PKNOX2: variants seen among roughly 807,000 people sequenced by gnomAD.
The protein encoded by PKNOX2 is homeobox protein PKNOX2.
A neutral mutation model predicts 53.1 loss-of-function variants in PKNOX2; 14 were observed. That is an observed-to-expected ratio of 0.26 (90% confidence interval 0.17 to 0.41). PKNOX2 has a LOEUF of 0.41. PKNOX2 is among the 10% of genes least tolerant of loss of function. The pLI is 1.00. For missense variants in PKNOX2, 496 were observed against 602.8 expected (o/e 0.82, Z 1.85); for synonymous variants, 257 against 242.8 (o/e 1.06, Z -0.54).
In PKNOX2 at chr11:125,431,278, G is replaced by A. The variant is rs1653565336; in HGVS notation, c.1305G>A (p.Glu435=). ...HDDSLDGTEE[E]DEDEMEEEEE... ...ACTCATTGGATGGGACAGAAGAAGA[G>A]GATGAGGATGAGATGGAAGAGGAGG... The change falls in exon 13 of 13, where the codon GAG becomes GAA. Residue 435 remains glutamate, a synonymous_variant. Transcript: ENST00000298282. 1 of 1,613,488 alleles carries A rather than the reference G, an allele frequency of 6.2e-7. No individual in the cohort carries two copies. The highest frequency in any genetic ancestry group is 8.5e-7 in the Non-Finnish European group (1 of 1,179,894).
At chr11:125,189,425 G>A (rs1349785910) in intron 1 of PKNOX2, among the ~76,000 whole-genome samples, 8,670 of 41,276 alleles carry the variant, frequency 0.21, 761 homozygotes, top group East Asian at 0.25. Context: ...GTGTGTGTGT[G>A]TGTGTGTGTG....
intron 1 of PKNOX2, among the ~76,000 whole-genome samples, chr11:125,209,696 G>C (rs528712999): frequency 1.3e-5 from 2 of 151,956 alleles, no homozygotes; most frequent in Non-Finnish European, 2.9e-5. Flanking sequence ...GGAGGATGAC[G>C]ACAAGGGAGG....
At chr11:125,336,442 A>G (rs1950434320) in intron 3 of PKNOX2, among the ~76,000 whole-genome samples, 1 of 151,470 alleles carries the variant, frequency 6.6e-6, no homozygotes, top group South Asian at 2.1e-4. Flanking sequence ...AGTTTTTATC[A>G]AATTACATTT....
chr11:125,351,337 T>G lies in PKNOX2; in HGVS notation c.32T>G (p.Leu11Arg), dbSNP rs1232783354. Residue 11 changes from leucine (L) to arginine (R), a missense_variant, in exon 4 of 13, where the codon CTG becomes CGG. Coordinates refer to ENST00000298282, the MANE Select transcript of PKNOX2 (RefSeq NM_001382323.2). Reference sequence around the variant, plus strand: ...CAACATGCCTCCCCAGCCCCCGCTCTGACGATGATGGCCACGCAGAATGTC... The same window carrying G: ...CAACATGCCTCCCCAGCCCCCGCTCGGACGATGATGGCCACGCAGAATGTC... Reference protein sequence around the residue: MMQHASPAPALTMMATQNVPP... With the variant: MMQHASPAPARTMMATQNVPP... 1.2e-6 allele frequency: 2 copies of G among 1,610,266 alleles called. No individual in the cohort carries two copies. Among genetic ancestry groups the G allele is most frequent in the Non-Finnish European group, 1.7e-6 (2 of 1,177,924 alleles).
At chr11:125,400,156 C>A (rs989759821) in intron 7 of PKNOX2, among the ~76,000 whole-genome samples, 2 of 151,950 alleles carry the variant, frequency 1.3e-5, no homozygotes, top group African/African-American at 4.8e-5. Flanking sequence ...CAGACAATTG[C>A]GTGGTGGGTG....
At chr11:125,359,560 C>T (rs1364880954) in intron 4 of PKNOX2, among the ~76,000 whole-genome samples, 1 of 152,212 alleles carries the variant, frequency 6.6e-6, no homozygotes, top group Admixed American at 6.5e-5. Context: ...ATGTTCATGT[C>T]CCCTGTTGCC....
chr11:125,333,119 C>G (rs191672152), intron 3 of PKNOX2, among the ~76,000 whole-genome samples: 22 of 152,282 alleles, frequency 1.4e-4, no homozygotes, highest in Non-Finnish European at 2.8e-4. Context: ...AGTGATGTCA[C>G]AAGGAGTTCA....
At chr11:125,349,019 G>A (rs904198043) in intron 3 of PKNOX2, among the ~76,000 whole-genome samples, 55 of 152,234 alleles carry the variant, frequency 3.6e-4, no homozygotes, top group African/African-American at 1.3e-3. Flanking sequence ...CGATGCTCCC[G>A]GGAAGAGATT....
chr11:125,170,598 T>A (rs1955222461), intron 1 of PKNOX2, among the ~76,000 whole-genome samples: 1 of 152,228 alleles, frequency 6.6e-6, no homozygotes, highest in African/African-American at 2.4e-5. Context: ...TTCAAGGGGA[T>A]CTGCTGTTTG....
intron 1 of PKNOX2, among the ~76,000 whole-genome samples, chr11:125,184,895 C>T (rs930216813): frequency 6.6e-6 from 1 of 152,110 alleles, no homozygotes; most frequent in Admixed American, 6.5e-5. Flanking sequence ...AGAAACAAAC[C>T]ACGAAGAAAG....
At chr11:125,170,017 T>C (rs1955160530) in intron 1 of PKNOX2, among the ~76,000 whole-genome samples, 1 of 152,146 alleles carries the variant, frequency 6.6e-6, no homozygotes, top group African/African-American at 2.4e-5. Flanking sequence ...TGCAGCCCCT[T>C]CTCTTTATTC....
chr11:125,185,124 A>G (rs1034413554), intron 1 of PKNOX2, among the ~76,000 whole-genome samples: 3 of 152,206 alleles, frequency 2.0e-5, no homozygotes, highest in Non-Finnish European at 4.4e-5. Flanking sequence ...AGCATCCCTG[A>G]CCATTGCCTC....
chr11:125,430,715 G>T (rs2135707316), intron 12 of PKNOX2, among the ~76,000 whole-genome samples: 1 of 151,876 alleles, frequency 6.6e-6, no homozygotes, highest in South Asian at 2.1e-4. Context: ...GTATGGTTGT[G>T]CACAGGTTCC....
rs1955459661 is a variant in PKNOX2, at chr11:125,410,766, G to A, written c.719-13G>A. 4 of 1,611,196 alleles carry A rather than the reference G, an allele frequency of 2.5e-6. No individual in the cohort carries two copies. Among genetic ancestry groups the A allele is most frequent in the Non-Finnish European group, 2.5e-6 (3 of 1,177,562 alleles). On this transcript the variant is annotated splice_polypyrimidine_tract_variant and intron_variant, in intron 8 of 12. Transcript: ENST00000298282. ...CCCATGGCAGGGGACCCCAAAACTG[G>A]TTGTCTCCTCAGGTGGAGCCTTATA...
intron 2 of PKNOX2, among the ~76,000 whole-genome samples, chr11:125,243,555 C>T (rs924791705): frequency 1.3e-5 from 2 of 152,060 alleles, no homozygotes; most frequent in South Asian, 2.1e-4. Context: ...TTGCTGCACT[C>T]TTTCCAGGCA....
chr11:125,267,374 C>A (rs940158860), intron 2 of PKNOX2, among the ~76,000 whole-genome samples: 1 of 152,206 alleles, frequency 6.6e-6, no homozygotes, highest in Non-Finnish European at 1.5e-5. Flanking sequence ...GAGGGAGGAG[C>A]TATCATGGCA....
intron 1 of PKNOX2, among the ~76,000 whole-genome samples, chr11:125,212,707 G>C (rs1341403865): frequency 7.2e-5 from 11 of 151,928 alleles, no homozygotes; most frequent in Non-Finnish European, 1.6e-4. Context: ...CTGTGGAGAG[G>C]AGGCAGGATC....
intron 2 of PKNOX2, among the ~76,000 whole-genome samples, chr11:125,245,614 A>C (rs1943501816): frequency 6.6e-6 from 1 of 152,160 alleles, no homozygotes; most frequent in Admixed American, 6.5e-5. Context: ...GCCTGCCCCC[A>C]TTAGGATGGC....
At chr11:125,234,117 C>T (rs559964144) in intron 1 of PKNOX2, among the ~76,000 whole-genome samples, 38 of 152,354 alleles carry the variant, frequency 2.5e-4, no homozygotes, top group African/African-American at 9.1e-4. Flanking sequence ...CAATTCTTGT[C>T]TGTCCAGTCC....
Sources: gnomAD v4.1 joint callset for allele counts (sites outside exome capture counted in the v4.1 genomes callset) on GRCh38, gnomAD v4.1.1 for gene constraint, MANE v1.5 for transcripts, NCBI Gene and HGNC (gene_info 2026-07-23, HGNC 2026-07-21) for gene names.